TRERF1: variants seen among roughly 807,000 people sequenced by gnomAD.
TRERF1 encodes the protein transcriptional-regulating factor 1.
In TRERF1, 27 loss-of-function variants were observed where a neutral mutation model predicts 122.9. The observed-to-expected ratio is 0.22, with a 90% CI of 0.16 to 0.30. TRERF1 has a LOEUF of 0.30. Ranked by LOEUF, TRERF1 falls within the 10% of genes least tolerant of loss-of-function variation. The probability of loss-of-function intolerance (pLI) is 1.00; values close to 1 mark genes in which losing one functional copy is unlikely to be tolerated. For synonymous variants in TRERF1, 636 were observed against 641.7 expected (o/e 0.99, Z 0.13); for missense variants, 1,248 against 1,560.3 (o/e 0.80, Z 3.37).
rs756906626 is a variant in TRERF1 at position 42,269,046 on chromosome 6, C to T, written c.545G>A (p.Arg182His). The T allele has an allele frequency of 3.5e-5, 56 of 1,613,944 alleles. No individual in the cohort carries two copies. The highest frequency in any genetic ancestry group is 4.5e-5 in the East Asian group (2 of 44,898). ...CATGGGCTTCTGAGACAGCAGCTGG[C>T]GGAGAGCACTGTCAGGGGCTCCATC... Residue 182 changes from arginine (R) to histidine (H), a missense_variant, in exon 5 of 18, where the codon CGC (arginine) becomes CAC (histidine). Arg to His is a conservative substitution (Grantham distance 29). Around this residue, in one of 5 missense-constraint regions of TRERF1, gnomAD observed 946 missense variants for 1,073.0 expected, o/e 0.88. Transcript: ENST00000372922. This position sits in a 1 kb window ranked among gnomAD's most constrained non-coding sequence, Gnocchi z 4.9.
Position 42,268,332 on chromosome 6 carries a change from A to C in TRERF1, c.1259T>G (p.Leu420Arg). The C allele has an allele frequency of 6.6e-7, 1 of 1,517,534 alleles. No homozygotes were observed. The highest frequency in any genetic ancestry group is 2.3e-5 in the Admixed American group (1 of 44,270). 94.0% of individuals were successfully genotyped at this position (1,517,534 alleles called of 1,614,324 possible). Residue 420 changes from leucine to arginine, a missense_variant, in exon 5 of 18, where the codon CTG becomes CGG. Transcript: ENST00000372922. This position sits in a 1 kb window ranked among gnomAD's most constrained non-coding sequence, Gnocchi z 4.4. ...AGGCCCCAGGTCCCCATGGGAGCTC[A>C]GCATGGCCTGGGCCTGTCTGTCACT...
At chr6:42,361,022 T>C (rs531592915) in intron 3 of TRERF1, among the ~76,000 whole-genome samples, 102 of 152,236 alleles carry the variant, frequency 6.7e-4, no homozygotes, top group African/African-American at 2.3e-3. Context: ...CCTGAATGTT[T>C]TGTGTCTCTC....
intron 3 of TRERF1, among the ~76,000 whole-genome samples, chr6:42,340,870 C>A (rs1020169401): frequency 6.6e-6 from 1 of 152,208 alleles, no homozygotes; most frequent in African/African-American, 2.4e-5. Context: ...GAGGAAGTTT[C>A]TCCTTCCTCC....
intron 2 of TRERF1, among the ~76,000 whole-genome samples, chr6:42,380,883 T>A (rs1775798560): frequency 6.6e-6 from 1 of 152,100 alleles, no homozygotes; most frequent in African/African-American, 2.4e-5. Flanking sequence ...GCTGCCACAC[T>A]CTCCCTCCTG....
rs76537149 is a variant in TRERF1, at chr6:42,418,727, G to A, written c.-454+32450C>T. Among the ~76,000 whole-genome samples the A allele has an allele frequency of 1.0e-3, 159 of 152,124 alleles. 2 individuals are homozygous for A. Among genetic ancestry groups the A allele is most frequent in the African/African-American group, 3.7e-3 (152 of 41,492 alleles). On this transcript the variant is annotated intron_variant, in intron 2 of 17. Coordinates refer to ENST00000372922, the Ensembl canonical transcript of TRERF1. ...GAACTGGGGGCTGCCTGTGGCCTGCGGCAGAGCACCCAAACTAATCAACTC... is the reference window on the plus strand; with the variant it reads ...GAACTGGGGGCTGCCTGTGGCCTGCAGCAGAGCACCCAAACTAATCAACTC...
chr6:42,377,535 T>C (rs368150401), intron 2 of TRERF1, among the ~76,000 whole-genome samples: 1 of 152,256 alleles, frequency 6.6e-6, no homozygotes, highest in Non-Finnish European at 1.5e-5. Flanking sequence ...TTCCATTGTA[T>C]GGATATAACA....
chr6:42,433,592 C>A (rs181802049), intron 2 of TRERF1, among the ~76,000 whole-genome samples: 1 of 152,236 alleles, frequency 6.6e-6, no homozygotes, highest in East Asian at 1.9e-4. Flanking sequence ...ACATTTTCCA[C>A]GGTAAAATGC....
chr6:42,321,826 A>T (rs1230191820), intron 3 of TRERF1, among the ~76,000 whole-genome samples: 2 of 152,274 alleles, frequency 1.3e-5, no homozygotes, highest in African/African-American at 2.4e-5. Flanking sequence ...CCTAAAAAAA[A>T]ATCACTAGGC....
chr6:42,431,059 CAA>C (rs535412294), intron 2 of TRERF1, among the ~76,000 whole-genome samples: 27 of 68,656 alleles, frequency 3.9e-4, no homozygotes, highest in African/African-American at 9.7e-4. Flanking sequence ...GACTCAGTCT[CAA>C]AAAAAAAAAA....
chr6:42,444,892 C>T lies in TRERF1; in HGVS notation c.-454+6285G>A, dbSNP rs543106150. Among the ~76,000 whole-genome samples the T allele has an allele frequency of 2.0e-5, 3 of 152,328 alleles. No homozygotes were observed. The East Asian group carries it at 5.8e-4, about 29-fold the overall frequency. ...TCCGCAGCTCCTCCCTCACGATCCCCTCCCAACTCTCTCCAGTCGTGGTCC... is the reference window on the plus strand; with the variant it reads ...TCCGCAGCTCCTCCCTCACGATCCCTTCCCAACTCTCTCCAGTCGTGGTCC... On this transcript the variant is annotated intron_variant, in intron 2 of 17. Coordinates refer to ENST00000372922, the Ensembl canonical transcript of TRERF1.
intron 3 of TRERF1, among the ~76,000 whole-genome samples, chr6:42,331,222 C>T (rs1205248856): frequency 6.6e-6 from 1 of 152,112 alleles, no homozygotes; most frequent in African/African-American, 2.4e-5. Flanking sequence ...TATAGGGAGA[C>T]CACAAATGGA....
chr6:42,290,218 C>T (rs978639466), intron 4 of TRERF1, among the ~76,000 whole-genome samples: 1 of 152,220 alleles, frequency 6.6e-6, no homozygotes, highest in African/African-American at 2.4e-5. Flanking sequence ...TCTCCTCCAT[C>T]AAACTAGGAC....
chr6:42,257,038 C>T (rs753865721), exon 11 of TRERF1: 2 of 1,614,010 alleles, frequency 1.2e-6, no homozygotes, highest in Non-Finnish European at 1.7e-6. Context: ...GTGTCCTGGG[C>T]CAGGGCAGAG....
intron 2 of TRERF1, among the ~76,000 whole-genome samples, chr6:42,440,188 C>T (rs1244203104): frequency 1.3e-5 from 2 of 152,144 alleles, no homozygotes; most frequent in African/African-American, 4.8e-5. Context: ...GAGCACTCTA[C>T]CCATAGCTGT....
chr6:42,319,396 A>C (rs1241872866), intron 3 of TRERF1, among the ~76,000 whole-genome samples: 1 of 152,252 alleles, frequency 6.6e-6, no homozygotes, highest in East Asian at 1.9e-4. Flanking sequence ...AGCCAGTTAC[A>C]ACCAGAAACA....
chr6:42,254,986 G>T, intron 12 of TRERF1, 60 bp from the exon 13 acceptor site: 1 of 1,544,576 alleles, frequency 6.5e-7, no homozygotes, highest in Non-Finnish European at 8.9e-7. Context: ...GTCCTATGGA[G>T]ATCATCTACC....
chr6:42,433,791 G>C (rs1036400103), intron 2 of TRERF1, among the ~76,000 whole-genome samples: 2 of 152,172 alleles, frequency 1.3e-5, no homozygotes, highest in African/African-American at 4.8e-5. Context: ...GCAAAGGCAG[G>C]AGGATCACTT....
Position 42,232,529 on chromosome 6 carries a change from C to T in TRERF1, c.3278+152G>A. On this transcript the variant is annotated intron_variant, in intron 17 of 17. Coordinates refer to ENST00000372922, the Ensembl canonical transcript of TRERF1. This position sits in a 1 kb window ranked among gnomAD's most constrained non-coding sequence, Gnocchi z 4.5. ...GCCATATTCTGAGTCTGCAACAGGA[C>T]TACATACCCATCCCAAAGATGACAC... 1.0e-6 allele frequency: 1 copy of T among 981,908 alleles called. No individual in the cohort carries two copies. The highest frequency in any genetic ancestry group is 1.9e-5 in the South Asian group (1 of 53,948). 60.8% of individuals were successfully genotyped at this position (981,908 alleles called of 1,614,324 possible).
exon 14 of TRERF1, chr6:42,246,486 G>A: frequency 6.3e-7 from 1 of 1,597,508 alleles, no homozygotes; most frequent in South Asian, 1.1e-5. Context: ...AGTCTTTGCT[G>A]TAAGTGGCTA....
Sources: gnomAD v4.1 joint callset for allele counts (sites outside exome capture counted in the v4.1 genomes callset) on GRCh38, gnomAD v4.1.1 for gene constraint, gnomAD v4.1.1 regional missense constraint, Gnocchi (gnomAD v3.1) non-coding constraint, MANE v1.5 for transcripts, NCBI Gene and HGNC (gene_info 2026-07-23, HGNC 2026-07-21) for gene names.